Variants in NTRK3 observed in about 807,000 individuals in gnomAD.
NTRK3 encodes neurotrophic receptor tyrosine kinase 3, also known as NT-3 growth factor receptor.
A neutral mutation model predicts 91.7 loss-of-function variants in NTRK3; 24 were observed. The ratio of observed to expected loss-of-function variants is 0.26; its 90% CI spans 0.19 to 0.37. The LOEUF is 0.37. NTRK3 is among the 10% of genes least tolerant of loss of function. The probability of loss-of-function intolerance (pLI) is 1.00; values close to 1 mark genes in which losing one functional copy is unlikely to be tolerated. For synonymous variants in NTRK3, 483 were observed against 404.0 expected (o/e 1.20, Z -2.34); for missense variants, 880 against 1,068.9 (o/e 0.82, Z 2.46).
chr15:88,010,990 C>A (rs184748112), intron 14 of NTRK3, among the ~76,000 whole-genome samples: 31 of 152,324 alleles, frequency 2.0e-4, no homozygotes, highest in African/African-American at 7.5e-4. Flanking sequence ...CCACACTACC[C>A]ATGAAGGGAT....
At chr15:87,993,560 T>C (rs1314477254) in intron 14 of NTRK3, among the ~76,000 whole-genome samples, 1 of 152,258 alleles carries the variant, frequency 6.6e-6, no homozygotes, top group East Asian at 1.9e-4. Context: ...AGCATACTCA[T>C]ACACAGAGAC....
chr15:87,959,202 T>C (rs1023949336), intron 14 of NTRK3, among the ~76,000 whole-genome samples: 1 of 152,198 alleles, frequency 6.6e-6, no homozygotes, highest in African/African-American at 2.4e-5. Flanking sequence ...GTCGGATAAT[T>C]ATCTTCCTGA....
chr15:88,088,336 G>A (rs892762797), intron 13 of NTRK3, among the ~76,000 whole-genome samples: 2 of 152,166 alleles, frequency 1.3e-5, no homozygotes, highest in Admixed American at 6.5e-5. Flanking sequence ...TTAGAATAAT[G>A]TCATGAGGCA....
At chr15:87,915,326 C>T (rs752565053) in intron 17 of NTRK3, among the ~76,000 whole-genome samples, 3 of 152,204 alleles carry the variant, frequency 2.0e-5, no homozygotes, top group Non-Finnish European at 2.9e-5. Context: ...GGTGCATCAC[C>T]CTAAGCTCTC....
At chr15:88,007,135 T>G (rs573880873) in intron 14 of NTRK3, among the ~76,000 whole-genome samples, 1 of 152,222 alleles carries the variant, frequency 6.6e-6, no homozygotes, top group Non-Finnish European at 1.5e-5. Context: ...GGGGTTGATG[T>G]GCTGGGATGT....
chr15:88,086,482 TAATTAG>T (rs1297772761), intron 13 of NTRK3, among the ~76,000 whole-genome samples: 1 of 146,582 alleles, frequency 6.8e-6, no homozygotes, highest in Non-Finnish European at 1.5e-5. Flanking sequence ...CTAAAATACA[TAATTAG>T]AATTAATTTC....
intron 14 of NTRK3, among the ~76,000 whole-genome samples, chr15:87,974,389 G>A (rs765856533): frequency 5.9e-5 from 9 of 152,184 alleles, no homozygotes; most frequent in Admixed American, 2.0e-4. Flanking sequence ...GTTGAAGAAA[G>A]GTTAAGTGAC....
At chr15:88,178,139 T>C (rs1048699610) in intron 5 of NTRK3, among the ~76,000 whole-genome samples, 3 of 152,194 alleles carry the variant, frequency 2.0e-5, no homozygotes, top group Non-Finnish European at 4.4e-5. Flanking sequence ...AGTGTGCCAG[T>C]TGCCAATCCT....
intron 10 of NTRK3, among the ~76,000 whole-genome samples, chr15:88,130,415 G>T (rs1227781951): frequency 3.9e-5 from 6 of 152,116 alleles, no homozygotes; most frequent in Non-Finnish European, 7.4e-5. Context: ...GTGAAAGAAG[G>T]ATGAGAAACA....
intron 14 of NTRK3, among the ~76,000 whole-genome samples, chr15:87,965,333 C>A (rs545343234): frequency 1.3e-5 from 2 of 152,232 alleles, no homozygotes; most frequent in Non-Finnish European, 2.9e-5. Context: ...TATTCAATTT[C>A]TCCAGGGTCT....
chr15:88,163,954 A>G (rs568086839), intron 5 of NTRK3, among the ~76,000 whole-genome samples: 120 of 152,312 alleles, frequency 7.9e-4, no homozygotes, highest in African/African-American at 2.8e-3. Flanking sequence ...AATGCTATAA[A>G]CAGAGTCAGC....
At chr15:88,178,622 C>T (rs1197290157) in intron 5 of NTRK3, among the ~76,000 whole-genome samples, 1 of 152,190 alleles carries the variant, frequency 6.6e-6, no homozygotes, top group Non-Finnish European at 1.5e-5. Context: ...AAGAGAGATC[C>T]CACCACAATC....
rs2229910 is a variant in NTRK3, at chr15:88,032,954, G to C, written c.1488C>G (p.Ala496=). Residue 496 remains alanine, a synonymous_variant, in exon 14 of 19, where the codon GCC becomes GCG. Transcript: ENST00000394480. ...TGCCAATGACCACAGTGTCGGGCCC[G>C]GCATCCAGTGACGAGGGCGTGGTGA... The C allele has an allele frequency of 0.35, 565,126 of 1,611,594 alleles. 100,556 individuals are homozygous for C. The highest frequency in any genetic ancestry group is 0.46 in the Middle Eastern group (2,789 of 6,052).
At chr15:88,084,085 C>A (rs1313208230) in intron 13 of NTRK3, among the ~76,000 whole-genome samples, 3 of 144,872 alleles carry the variant, frequency 2.1e-5, no homozygotes, top group Admixed American at 6.8e-5. Context: ...TGTCCAAGTG[C>A]CTTTTTTTTT....
chr15:88,132,860 C>T (rs968890610), intron 10 of NTRK3, among the ~76,000 whole-genome samples: 1 of 152,126 alleles, frequency 6.6e-6, no homozygotes, highest in Non-Finnish European at 1.5e-5. Flanking sequence ...ACAGGGTGAC[C>T]CTAGCAGGAT....
chr15:88,251,815 A>T (rs2053413931), intron 3 of NTRK3, among the ~76,000 whole-genome samples: 1 of 152,184 alleles, frequency 6.6e-6, no homozygotes, highest in African/African-American at 2.4e-5. Context: ...ACCCTAAGGA[A>T]CCTTCCAGGT....
intron 14 of NTRK3, among the ~76,000 whole-genome samples, chr15:87,999,612 T>C (rs758938349): frequency 3.9e-5 from 6 of 152,192 alleles, no homozygotes; most frequent in Non-Finnish European, 8.8e-5. Context: ...GGGAGGAATA[T>C]GGCAGGCCCT....
chr15:87,871,437 C>G (rs898764827), exon 19 of NTRK3: 7 of 230,342 alleles, frequency 3.0e-5, no homozygotes, highest in Non-Finnish European at 5.2e-5. Flanking sequence ...TGATCAAAAT[C>G]TCACATTCTC....
intron 14 of NTRK3, among the ~76,000 whole-genome samples, chr15:87,967,388 C>T (rs1283419573): frequency 6.6e-6 from 1 of 152,088 alleles, no homozygotes; most frequent in Non-Finnish European, 1.5e-5. Context: ...TTTCATAGTC[C>T]AATCTTCCTA....
Sources: gnomAD v4.1 joint callset for allele counts (sites outside exome capture counted in the v4.1 genomes callset) on GRCh38, gnomAD v4.1.1 for gene constraint, MANE v1.5 for transcripts, NCBI Gene and HGNC (gene_info 2026-07-23, HGNC 2026-07-21) for gene names.